ANKFN1: variants seen among roughly 807,000 people sequenced by gnomAD.
The protein encoded by ANKFN1 is ankyrin repeat and fibronectin type-III domain-containing protein 1.
A neutral mutation model predicts 108.7 loss-of-function variants in ANKFN1; 74 were observed. The observed-to-expected ratio is 0.68, with a 90% CI of 0.56 to 0.83. The LOEUF (loss-of-function observed/expected upper bound fraction) is 0.83, where lower values mean the gene tolerates loss of function less well. Among genes scored for constraint, ANKFN1 ranks in the 40% least tolerant of loss-of-function variants. ANKFN1 has a pLI of 0.00. For missense variants in ANKFN1, 1,505 were observed against 1,382.3 expected (o/e 1.09, Z -1.41); for synonymous variants, 547 against 516.2 (o/e 1.06, Z -0.81).
intron 8 of ANKFN1, among the ~76,000 whole-genome samples, chr17:56,418,358 C>T (rs1027684641): frequency 1.3e-5 from 2 of 152,050 alleles, no homozygotes; most frequent in Non-Finnish European, 2.9e-5. Flanking sequence ...AAAATCAAAA[C>T]CCCGTAACAG....
At chr17:56,262,726 G>A (rs2043547872) in intron 3 of ANKFN1, among the ~76,000 whole-genome samples, 1 of 152,162 alleles carries the variant, frequency 6.6e-6, no homozygotes, top group Non-Finnish European at 1.5e-5. Context: ...TAATGAAAAT[G>A]TGCAAATGAG....
chr17:56,189,447 G>A (rs1016731627), intron 1 of ANKFN1, among the ~76,000 whole-genome samples: 5 of 151,912 alleles, frequency 3.3e-5, no homozygotes, highest in Non-Finnish European at 5.9e-5. Context: ...TGGGATTACA[G>A]GCGTGAGCCA....
At chr17:56,107,652 A>G (rs116852996) in intron 4 of ANKFN1, among the ~76,000 whole-genome samples, 2,346 of 152,160 alleles carry the variant, frequency 0.015, 22 homozygotes, top group Non-Finnish European at 0.022. Flanking sequence ...GAATTGCTCC[A>G]CATTATCCAA....
intron 8 of ANKFN1, among the ~76,000 whole-genome samples, chr17:56,387,498 A>C (rs566223469): frequency 6.6e-6 from 1 of 152,222 alleles, no homozygotes; most frequent in South Asian, 2.1e-4. Flanking sequence ...TATTATGCAC[A>C]TATCATATGT....
At chr17:56,259,987 T>G (rs147447298) in intron 3 of ANKFN1, among the ~76,000 whole-genome samples, 4 of 150,656 alleles carry the variant, frequency 2.7e-5, no homozygotes, top group East Asian at 2.0e-4. Context: ...TACTTGCACA[T>G]GCAATTTAGC....
chr17:56,290,487 T>C (rs1038414644), intron 3 of ANKFN1, among the ~76,000 whole-genome samples: 5 of 152,322 alleles, frequency 3.3e-5, no homozygotes, highest in Non-Finnish European at 7.4e-5. Flanking sequence ...ATCGAATCTA[T>C]ATATACCTTG....
intron 6 of ANKFN1, 119 bp from the exon 7 acceptor site, chr17:56,372,527 C>A: frequency 3.3e-6 from 3 of 915,810 alleles, no homozygotes; most frequent in Non-Finnish European, 4.8e-6. Flanking sequence ...ACAGATCCCA[C>A]TTTTCCCAGG....
intron 6 of ANKFN1, among the ~76,000 whole-genome samples, chr17:56,371,068 T>C (rs1026524990): frequency 6.6e-6 from 1 of 152,166 alleles, no homozygotes; most frequent in Non-Finnish European, 1.5e-5. Context: ...CTGCATAGTG[T>C]AGCTGCTCAG....
At chr17:56,257,851 T>C (rs2043397381) in intron 3 of ANKFN1, 1 of 152,238 alleles carries the variant, frequency 6.6e-6, no homozygotes, top group Admixed American at 6.5e-5. Flanking sequence ...TGTTGGTTTC[T>C]TACCTGGCGA....
chr17:56,428,466 T>C (rs956639988), intron 8 of ANKFN1, among the ~76,000 whole-genome samples: 8 of 150,086 alleles, frequency 5.3e-5, no homozygotes, highest in African/African-American at 2.0e-4. Context: ...TTTTTTCTTT[T>C]TTTTTTTTTT....
At chr17:56,311,368 A>C (rs1429651684) in intron 3 of ANKFN1, among the ~76,000 whole-genome samples, 1 of 152,234 alleles carries the variant, frequency 6.6e-6, no homozygotes, top group African/African-American at 2.4e-5. Flanking sequence ...ATTGGTGAGT[A>C]TAAGGGACTC....
chr17:56,434,327 C>T (rs114720922), intron 8 of ANKFN1, among the ~76,000 whole-genome samples: 2,548 of 147,570 alleles, frequency 0.017, 63 homozygotes, highest in African/African-American at 0.06. Context: ...CTGATTCCAA[C>T]TTTGCTTTAA....
chr17:56,057,036 T>C (rs1395176448), intron 4 of ANKFN1, among the ~76,000 whole-genome samples: 2 of 152,232 alleles, frequency 1.3e-5, no homozygotes, highest in Non-Finnish European at 2.9e-5. Flanking sequence ...CTCAACAGTG[T>C]TCACAGCATC....
chr17:56,081,130 A>G (rs978034449), intron 4 of ANKFN1, among the ~76,000 whole-genome samples: 2 of 152,184 alleles, frequency 1.3e-5, no homozygotes, highest in African/African-American at 4.8e-5. Context: ...AGCAACCTCA[A>G]TTCTTGCCTC....
intron 3 of ANKFN1, among the ~76,000 whole-genome samples, chr17:56,299,062 G>A (rs532909018): frequency 7.3e-4 from 111 of 152,320 alleles, no homozygotes; most frequent in African/African-American, 2.6e-3. Context: ...AATCACTTTA[G>A]CACTGTGAGA....
Position 56,421,417 on chromosome 17 carries a change from A to G in ANKFN1, c.911-18910A>G, listed in dbSNP as rs986174120. ...ACAGACAACTATTAACTACCTTGCC[A>G]TCTTCCTCCTCTCATTCATCTGATG... is the stretch of plus-strand genomic sequence containing the variant. On this transcript the variant is annotated intron_variant, in intron 8 of 20. Coordinates refer to ENST00000682825, the MANE Select transcript of ANKFN1 (RefSeq NM_001370326.1). 5.9e-5 allele frequency among the ~76,000 whole-genome samples: 9 copies of G among 152,218 alleles called. No homozygotes were observed. In the South Asian group the frequency reaches 1.7e-3, roughly 28 times the overall value.
intron 14 of ANKFN1, among the ~76,000 whole-genome samples, chr17:56,459,831 C>A (rs1417904430): frequency 6.6e-6 from 1 of 152,146 alleles, no homozygotes; most frequent in Non-Finnish European, 1.5e-5. Flanking sequence ...ACTCCCATTA[C>A]AATACTTTTG....
chr17:56,203,529 A>G (rs1233805546), intron 1 of ANKFN1, among the ~76,000 whole-genome samples: 1 of 152,260 alleles, frequency 6.6e-6, no homozygotes, highest in African/African-American at 2.4e-5. Flanking sequence ...TTCCTAAAAC[A>G]TGACCTCAGG....
At chr17:56,211,880 T>A (rs569059060) in intron 1 of ANKFN1, among the ~76,000 whole-genome samples, 134 of 152,252 alleles carry the variant, frequency 8.8e-4, no homozygotes, top group Admixed American at 2.2e-3. Context: ...AGGGGTTGAG[T>A]TCTTGATTTG....
Sources: gnomAD v4.1 joint callset for allele counts (sites outside exome capture counted in the v4.1 genomes callset) on GRCh38, gnomAD v4.1.1 for gene constraint, MANE v1.5 for transcripts, NCBI Gene and HGNC (gene_info 2026-07-23, HGNC 2026-07-21) for gene names.